KHDRBS2: variants seen among roughly 807,000 people sequenced by gnomAD.
KHDRBS2 encodes KH domain-containing, RNA-binding, signal transduction-associated protein 2.
Under a neutral mutation model 44.3 loss-of-function variants are expected in KHDRBS2, and 26 were observed. The observed-to-expected ratio is 0.59, with a 90% confidence interval of 0.43 to 0.81. The LOEUF (loss-of-function observed/expected upper bound fraction) is 0.81. Ranked by LOEUF, KHDRBS2 falls within the 40% of genes least tolerant of loss-of-function variation. KHDRBS2 has a pLI of 0.00. For missense variants in KHDRBS2, 476 were observed against 433.1 expected (o/e 1.10, Z -0.88); for synonymous variants, 194 against 151.1 (o/e 1.28, Z -2.08).
At position 62,072,442 on chromosome 6, in the gene KHDRBS2, A is replaced by G. The variant is rs545923163; in HGVS notation, c.220-24448T>C. 5.3e-4 allele frequency among the ~76,000 whole-genome samples: 81 copies of G among 152,110 alleles called. 1 individual carries two copies. The East Asian group carries it at 0.014, about 27-fold the overall frequency. ...CCAGTTTTCAAAGGGAATGTTTCCAATTTTTGCCCATTCATTATGATATTG... is the reference window on the plus strand; with the variant it reads ...CCAGTTTTCAAAGGGAATGTTTCCAGTTTTTGCCCATTCATTATGATATTG... On this transcript the variant is annotated intron_variant, in intron 2 of 8. Transcript: ENST00000281156.
chr6:62,132,151 C>T (rs1810476434), intron 2 of KHDRBS2, among the ~76,000 whole-genome samples: 1 of 152,162 alleles, frequency 6.6e-6, no homozygotes, highest in South Asian at 2.1e-4. Context: ...TCATCTCCAT[C>T]CTCTATTTAA....
chr6:61,561,233 C>T, the KHDRBS2 span, among the ~76,000 whole-genome samples: 1 of 152,186 alleles, frequency 6.6e-6, no homozygotes, highest in South Asian at 2.1e-4. Flanking sequence ...CACTCTGTCT[C>T]TCTCCTGAGC....
At chr6:62,043,615 T>A (rs1174519064) in intron 3 of KHDRBS2, among the ~76,000 whole-genome samples, 1 of 152,044 alleles carries the variant, frequency 6.6e-6, no homozygotes, top group Non-Finnish European at 1.5e-5. Context: ...GGTATTACCT[T>A]GAATATTATT....
intron 6 of KHDRBS2, among the ~76,000 whole-genome samples, chr6:61,869,579 G>A (rs1028957806): frequency 6.6e-6 from 1 of 152,150 alleles, no homozygotes; most frequent in African/African-American, 2.4e-5. Context: ...TGGCAAGATG[G>A]TAAAATAGGA....
intron 6 of KHDRBS2, among the ~76,000 whole-genome samples, chr6:61,827,910 A>G (rs1313430738): frequency 6.6e-6 from 1 of 152,164 alleles, no homozygotes. Context: ...GGAGGATAGG[A>G]GTTCAGCATA....
intron 6 of KHDRBS2, among the ~76,000 whole-genome samples, chr6:61,746,093 C>T (rs1776819412): frequency 6.6e-6 from 1 of 151,794 alleles, no homozygotes; most frequent in East Asian, 1.9e-4. Flanking sequence ...ACTTTAAGTT[C>T]CGGGATACAT....
chr6:61,697,101 A>G, intron 8 of KHDRBS2, 94 bp downstream of exon 8: 1 of 893,660 alleles, frequency 1.1e-6, no homozygotes, highest in Non-Finnish European at 1.9e-6. Flanking sequence ...AGACTTCTGG[A>G]AAAACTAGGG....
the KHDRBS2 span, among the ~76,000 whole-genome samples, chr6:61,605,406 C>T: frequency 6.6e-6 from 1 of 152,336 alleles, no homozygotes; most frequent in South Asian, 2.1e-4. Flanking sequence ...CAAACCGCCA[C>T]TCTTAACTCT....
At chr6:61,566,118 T>A in the KHDRBS2 span, among the ~76,000 whole-genome samples, 4 of 152,036 alleles carry the variant, frequency 2.6e-5, no homozygotes, top group Non-Finnish European at 5.9e-5. Context: ...GGATGTTTCA[T>A]TGTAAAATAA....
chr6:62,051,800 C>A (rs573846351), intron 2 of KHDRBS2, among the ~76,000 whole-genome samples: 2 of 151,762 alleles, frequency 1.3e-5, no homozygotes, highest in African/African-American at 2.4e-5. Flanking sequence ...GGCAGAAAAA[C>A]CGATTTAAAA....
At chr6:61,744,819 C>A (rs780637127) in intron 6 of KHDRBS2, among the ~76,000 whole-genome samples, 11 of 152,068 alleles carry the variant, frequency 7.2e-5, no homozygotes, top group Non-Finnish European at 1.6e-4. Context: ...GAGAAACAAA[C>A]CTTGTCAATT....
At position 62,073,515 on chromosome 6, in the gene KHDRBS2, A is replaced by AT. The variant is rs763555525; in HGVS notation, c.220-25522dup. 1.6e-4 allele frequency among the ~76,000 whole-genome samples: 17 copies of AT among 109,536 alleles called. No homozygotes were observed. The South Asian group carries it at 3.6e-3, about 24-fold the overall frequency. The allele number at this position is 109,536 out of a possible 152,430, so 71.9% of individuals were successfully genotyped here. On this transcript the variant is annotated intron_variant, in intron 2 of 8. Transcript: ENST00000281156. The stretch of plus-strand genomic sequence containing the variant: ...CAAAGAGCCAGATTATGGTTTGGTG[A>AT]TTTTTTTCTTTTTTCTTTTTTTTTT...
At chr6:61,947,856 C>T (rs1028885634) in intron 4 of KHDRBS2, among the ~76,000 whole-genome samples, 2 of 150,984 alleles carry the variant, frequency 1.3e-5, no homozygotes, top group African/African-American at 4.9e-5. Context: ...TAGGCACCTC[C>T]TTGATTTCAG....
chr6:62,273,923 CAT>C (rs1840494076), intron 1 of KHDRBS2, among the ~76,000 whole-genome samples: 2 of 151,976 alleles, frequency 1.3e-5, no homozygotes, highest in Admixed American at 1.3e-4. Flanking sequence ...CAACACTTTA[CAT>C]TTTACTTGAA....
chr6:62,104,978 C>T (rs995070278), intron 2 of KHDRBS2, among the ~76,000 whole-genome samples: 3 of 151,976 alleles, frequency 2.0e-5, no homozygotes, highest in African/African-American at 7.2e-5. Flanking sequence ...ATTCTAGAGA[C>T]ATTTAAAGGA....
intron 1 of KHDRBS2, among the ~76,000 whole-genome samples, chr6:62,269,777 G>T (rs764759678): frequency 2.0e-5 from 3 of 152,052 alleles, no homozygotes; most frequent in Admixed American, 6.6e-5. Flanking sequence ...TCCTGTACAT[G>T]AACTTTTATA....
chr6:62,274,488 C>A (rs1252126577), intron 1 of KHDRBS2, among the ~76,000 whole-genome samples: 1 of 152,194 alleles, frequency 6.6e-6, no homozygotes, highest in Non-Finnish European at 1.5e-5. Flanking sequence ...ACACACTCTT[C>A]TTGATTCTTT....
chr6:62,066,121 T>C (rs1793653301), intron 2 of KHDRBS2, among the ~76,000 whole-genome samples: 1 of 149,108 alleles, frequency 6.7e-6, no homozygotes, highest in South Asian at 2.1e-4. Flanking sequence ...CTCAAAAAGA[T>C]TCATTAAAAA....
chr6:61,973,089 A>G (rs1192437), intron 4 of KHDRBS2, among the ~76,000 whole-genome samples: 109,391 of 152,128 alleles, frequency 0.72, 39,417 homozygotes, highest in African/African-American at 0.76. Context: ...AGCTGAGATC[A>G]CACCACTGCA....
Sources: gnomAD v4.1 joint callset for allele counts (sites outside exome capture counted in the v4.1 genomes callset) on GRCh38, gnomAD v4.1.1 for gene constraint, MANE v1.5 for transcripts, NCBI Gene and HGNC (gene_info 2026-07-23, HGNC 2026-07-21) for gene names.